Variants in DLG2 observed in about 807,000 individuals in gnomAD.
DLG2 encodes the protein disks large homolog 2.
In DLG2, 45 loss-of-function variants were observed where a neutral mutation model predicts 132.5. That is an observed-to-expected ratio of 0.34 (90% confidence interval 0.27 to 0.44). The LOEUF (loss-of-function observed/expected upper bound fraction) is 0.44, where lower values mean the gene tolerates loss of function less well. Ranked by LOEUF, DLG2 falls within the 20% of genes least tolerant of loss-of-function variation. The pLI is 1.00. For missense variants in DLG2, 1,045 were observed against 1,196.9 expected (o/e 0.87, Z 1.87); for synonymous variants, 424 against 419.6 (o/e 1.01, Z -0.13).
chr11:85,543,102 A>AG (rs2076078844), intron 3 of DLG2, among the ~76,000 whole-genome samples: 9 of 151,978 alleles, frequency 5.9e-5, no homozygotes, highest in Admixed American at 3.3e-4. Flanking sequence ...CCCGTCATCT[A>AG]CATTAGGCAT....
chr11:84,819,377 T>A (rs187815437), intron 6 of DLG2, among the ~76,000 whole-genome samples: 3 of 151,970 alleles, frequency 2.0e-5, no homozygotes, highest in African/African-American at 7.2e-5. Flanking sequence ...TCAGCAGTGG[T>A]TTTTCTTCAG....
At chr11:85,350,998 G>C (rs1216090509) in intron 3 of DLG2, among the ~76,000 whole-genome samples, 1 of 152,122 alleles carries the variant, frequency 6.6e-6, no homozygotes, top group African/African-American at 2.4e-5. Flanking sequence ...ATTACCTTGG[G>C]CAGTATGGCC....
At chr11:84,840,015 C>G (rs2080399297) in intron 6 of DLG2, among the ~76,000 whole-genome samples, 1 of 152,128 alleles carries the variant, frequency 6.6e-6, no homozygotes, top group Non-Finnish European at 1.5e-5. Context: ...TAGAGAGCTT[C>G]TGTACATCAA....
At chr11:83,805,196 CT>C (rs1165522145) in intron 17 of DLG2, among the ~76,000 whole-genome samples, 1 of 152,018 alleles carries the variant, frequency 6.6e-6, no homozygotes, top group Admixed American at 6.6e-5. Context: ...TGTAAATATC[CT>C]TTTTCCAGTC....
At chr11:84,183,176 C>T (rs1250889219) in intron 8 of DLG2, among the ~76,000 whole-genome samples, 1 of 152,170 alleles carries the variant, frequency 6.6e-6, no homozygotes, top group Non-Finnish European at 1.5e-5. Context: ...GAATAAATTA[C>T]ACCAATTATC....
intron 4 of DLG2, among the ~76,000 whole-genome samples, chr11:85,249,017 A>C (rs1318784218): frequency 6.6e-6 from 1 of 152,138 alleles, no homozygotes; most frequent in African/African-American, 2.4e-5. Flanking sequence ...AGCAATTTAC[A>C]TCTAAGGATT....
At chr11:83,836,349 A>C (rs1260339521) in intron 16 of DLG2, among the ~76,000 whole-genome samples, 1 of 152,180 alleles carries the variant, frequency 6.6e-6, no homozygotes, top group Non-Finnish European at 1.5e-5. Flanking sequence ...TGATACATGA[A>C]ATTAACCATC....
intron 3 of DLG2, among the ~76,000 whole-genome samples, chr11:85,311,674 T>C (rs930809871): frequency 1.3e-5 from 2 of 152,098 alleles, no homozygotes; most frequent in African/African-American, 2.4e-5. Context: ...CTTTTATCTC[T>C]TAGACTTATT....
chr11:84,677,041 T>A (rs933764755), intron 6 of DLG2, among the ~76,000 whole-genome samples: 2 of 152,000 alleles, frequency 1.3e-5, no homozygotes, highest in Non-Finnish European at 2.9e-5. Flanking sequence ...AAAAAGAATT[T>A]GGGGTTTTAT....
chr11:84,317,402 T>C (rs1333526914), intron 7 of DLG2: 2 of 1,326,268 alleles, frequency 1.5e-6, no homozygotes, highest in East Asian at 6.2e-5. Context: ...GTATCCCTGC[T>C]CTAGGCAGAA....
intron 15 of DLG2, among the ~76,000 whole-genome samples, chr11:83,906,967 T>C (rs933590908): frequency 2.0e-4 from 30 of 152,046 alleles, no homozygotes; most frequent in Non-Finnish European, 3.8e-4. Context: ...ATAACAGAGG[T>C]ACCAGAAAAA....
rs189469494 is a variant in DLG2, at chr11:83,823,693, C to T, written c.1722+9921G>A. 1.8e-3 allele frequency among the ~76,000 whole-genome samples: 268 copies of T among 151,394 alleles called. 6 individuals carry two copies. The highest frequency in any genetic ancestry group is 0.013 in the Admixed American group (191 of 15,242). ...CATTCATTCGTTCATTAAACATTTGCTCAGTAGCTCCGTTCTAAGTTAATC... is the reference window on the plus strand; with the variant it reads ...CATTCATTCGTTCATTAAACATTTGTTCAGTAGCTCCGTTCTAAGTTAATC... On this transcript the variant is annotated intron_variant, in intron 17 of 27. Transcript: ENST00000376104.
chr11:85,025,874 A>G lies in DLG2; in HGVS notation c.357+85787T>C, dbSNP rs1035514883. Among the ~76,000 whole-genome samples, 7 of 151,994 alleles carry G rather than the reference A, an allele frequency of 4.6e-5. No homozygotes were observed. The South Asian group carries it at 8.3e-4, about 18-fold the overall frequency. ...TGATAAACATAACATTCTACTTTAGAGTGCAAAAGATAATCAATAAATGTT... is the reference window on the plus strand; with the variant it reads ...TGATAAACATAACATTCTACTTTAGGGTGCAAAAGATAATCAATAAATGTT... On this transcript the variant is annotated intron_variant, in intron 6 of 27. Transcript: ENST00000376104.
At chr11:85,035,661 T>C (rs2061377621) in intron 6 of DLG2, among the ~76,000 whole-genome samples, 1 of 152,152 alleles carries the variant, frequency 6.6e-6, no homozygotes, top group Non-Finnish European at 1.5e-5. Flanking sequence ...TCGTATCAGA[T>C]ACAAACTAAC....
chr11:84,542,482 C>T (rs1301005174), intron 6 of DLG2, among the ~76,000 whole-genome samples: 1 of 152,034 alleles, frequency 6.6e-6, no homozygotes, highest in South Asian at 2.1e-4. Flanking sequence ...GGGTAAGAAC[C>T]CTGACATGTA....
intron 15 of DLG2, among the ~76,000 whole-genome samples, chr11:83,881,565 A>C (rs969048466): frequency 1.3e-5 from 2 of 152,222 alleles, no homozygotes; most frequent in East Asian, 3.8e-4. Flanking sequence ...AGGACTGTGC[A>C]TTGTGGCAAA....
chr11:85,436,040 T>C lies in DLG2; in HGVS notation c.41-150675A>G, dbSNP rs1327232582. Among the ~76,000 whole-genome samples, 4 of 151,254 alleles carry C rather than the reference T, an allele frequency of 2.6e-5. No individual in the cohort carries two copies. In the South Asian group the frequency reaches 8.3e-4, roughly 31 times the overall value. On this transcript the variant is annotated intron_variant, in intron 3 of 27. Coordinates refer to ENST00000376104, the MANE Select transcript of DLG2 (RefSeq NM_001142699.3). ...ACAACCAACTGATCTTCAACAAACC[T>C]AAAAAAAACAAAAAATGAGTAAAGG...
intron 3 of DLG2, among the ~76,000 whole-genome samples, chr11:85,331,882 T>A (rs2081778348): frequency 6.6e-6 from 1 of 152,176 alleles, no homozygotes; most frequent in African/African-American, 2.4e-5. Flanking sequence ...GGCATCTAGG[T>A]TAATTCCATG....
intron 21 of DLG2, among the ~76,000 whole-genome samples, chr11:83,499,137 G>C (rs1034057207): frequency 5.9e-5 from 9 of 152,072 alleles, no homozygotes; most frequent in African/African-American, 2.2e-4. Flanking sequence ...ATTTAAAAAA[G>C]AATGAAAGCC....
Sources: allele counts gnomAD v4.1 joint callset (sites outside exome capture counted in the v4.1 genomes callset), GRCh38; gene constraint gnomAD v4.1.1; transcripts MANE v1.5; gene names NCBI Gene and HGNC (gene_info 2026-07-23, HGNC 2026-07-21).